The following ABCC3 variants were observed in gnomAD, a reference collection of about 807,000 sequenced individuals.
The protein encoded by ABCC3 is ATP binding cassette subfamily C member 3.
A neutral mutation model predicts 165.3 loss-of-function variants in ABCC3; 121 were observed. The ratio of observed to expected loss-of-function variants is 0.73; its 90% CI spans 0.63 to 0.85. The LOEUF is 0.85. Ranked by LOEUF, ABCC3 falls within the 40% of genes least tolerant of loss-of-function variation. The probability of loss-of-function intolerance (pLI) is 0.00; values close to 1 mark genes in which losing one functional copy is unlikely to be tolerated. For missense variants in ABCC3, 1,869 were observed against 1,964.1 expected (o/e 0.95, Z 0.92); for synonymous variants, 733 against 810.1 (o/e 0.90, Z 1.62).
Position 50,679,913 on chromosome 17 carries a change from T to C in ABCC3, c.3807+14T>C. The C allele has an allele frequency of 1.2e-6, 2 of 1,605,402 alleles. No individual in the cohort carries two copies. Among genetic ancestry groups the C allele is most frequent in the Non-Finnish European group, 1.7e-6 (2 of 1,172,224 alleles). ...ACAGAGACAGAGGTGGGTACTGGCA[T>C]GAGCCCGGGACAGGGGGAATCTGAA... On this transcript the variant is annotated intron_variant, in intron 26 of 30. Coordinates refer to ENST00000285238, the MANE Select transcript of ABCC3 (RefSeq NM_003786.4).
chr17:50,667,516 G>A, intron 11 of ABCC3, 38 bp from the exon 12 acceptor site: 1 of 1,566,962 alleles, frequency 6.4e-7, no homozygotes, highest in Non-Finnish European at 8.7e-7. Flanking sequence ...TCAGGGGAGG[G>A]AGCAGGTGTG....
intron 1 of ABCC3, among the ~76,000 whole-genome samples, chr17:50,648,877 G>A (rs1308980033): frequency 6.6e-6 from 1 of 152,206 alleles, no homozygotes; most frequent in Non-Finnish European, 1.5e-5. Flanking sequence ...CACTTTGGGA[G>A]GCCGAGGCAG....
At chr17:50,665,320 T>C (rs1967499598) in intron 11 of ABCC3, 75 bp downstream of exon 11, 3 of 1,382,290 alleles carry the variant, frequency 2.2e-6, no homozygotes, top group South Asian at 1.2e-5. Context: ...TCCACTAACC[T>C]TGGGGCCTCC....
At position 50,673,983 on chromosome 17, in the gene ABCC3, TCTCTCTCTCTC is replaced by T. The variant is rs1967728885; in HGVS notation, c.2599+326_2599+336del. 1.0e-3 allele frequency among the ~76,000 whole-genome samples: 5 copies of T among 4,954 alleles called. No individual in the cohort carries two copies. The East Asian group carries it at 0.013, about 13-fold the overall frequency. 3.3% of individuals were successfully genotyped at this position (4,954 alleles called of 152,430 possible). ...TTCTTTCTTTCTTTCTTTCTTTCTC[TCTCTCTCTCTC>T]TCTCTCTCTCTCTCTCTCTCTCTCT... On this transcript the variant is annotated intron_variant, in intron 19 of 30. Coordinates refer to ENST00000285238, the MANE Select transcript of ABCC3 (RefSeq NM_003786.4).
In ABCC3 at chr17:50,675,697, T is replaced by G. The variant is rs1236990106; in HGVS notation, c.2781T>G (p.Gly927=). Residue 927 remains glycine (G), a synonymous_variant, in exon 21 of 31, where the codon GGT becomes GGG. Coordinates refer to ENST00000285238, the MANE Select transcript of ABCC3 (RefSeq NM_003786.4). ...GGCCTGTACCCCGGAGGCACCTGGG[T>G]CCATCAGAGAAGGTGCAGGTGACAG... ...QGRPVPRRHL[G]PSEKVQVTEA... The G allele has an allele frequency of 6.4e-7, 1 of 1,570,736 alleles. No individual in the cohort carries two copies. Among genetic ancestry groups the G allele is most frequent in the Non-Finnish European group, 8.6e-7 (1 of 1,157,822 alleles).
intron 13 of ABCC3, 110 bp from the exon 14 acceptor site, chr17:50,668,320 C>T: frequency 6.7e-6 from 6 of 891,820 alleles, no homozygotes; most frequent in Non-Finnish European, 1.1e-5. Flanking sequence ...GTGCTAGTGT[C>T]TGGGCCCTCA....
chr17:50,672,868 A>G (rs1967677004), intron 17 of ABCC3, 103 bp from the exon 18 acceptor site: 1 of 1,007,416 alleles, frequency 9.9e-7, no homozygotes, highest in East Asian at 2.6e-5. Context: ...ACCCCATCTC[A>G]GGAAAAAAAA....
At chr17:50,671,978 T>TC (rs895072342) in intron 17 of ABCC3, among the ~76,000 whole-genome samples, 37 of 152,086 alleles carry the variant, frequency 2.4e-4, no homozygotes, top group African/African-American at 8.9e-4. Flanking sequence ...CACCTCGACC[T>TC]CCCAAATTGC....
At chr17:50,666,363 C>G (rs1235059166) in intron 11 of ABCC3, among the ~76,000 whole-genome samples, 4 of 152,156 alleles carry the variant, frequency 2.6e-5, no homozygotes, top group South Asian at 2.1e-4. Context: ...CCCAGCTACT[C>G]TGGAGTCTGA....
intron 19 of ABCC3, among the ~76,000 whole-genome samples, chr17:50,673,968 CTTTCTTTCTT>C (rs1967720752): frequency 2.9e-4 from 5 of 17,050 alleles, no homozygotes; most frequent in East Asian, 1.3e-3. Flanking sequence ...TTCTTTCTTT[CTTTCTTTCTT>C]TCTCTCTCTC....
intron 29 of ABCC3, chr17:50,687,291 G>T (rs1037629430): frequency 1.3e-5 from 6 of 473,406 alleles, no homozygotes; most frequent in Non-Finnish European, 2.3e-5. Context: ...GGAGGCCAAG[G>T]GTGCCAAGAG....
chr17:50,665,048 A>G (rs575021935), intron 10 of ABCC3, 105 bp from the exon 11 acceptor site: 4 of 945,994 alleles, frequency 4.2e-6, no homozygotes, highest in Non-Finnish European at 6.8e-6. Context: ...CTTCCTGCCC[A>G]TCTACACATT....
At chr17:50,667,788 C>A in intron 12 of ABCC3, 31 bp downstream of exon 12, 1 of 1,613,964 alleles carries the variant, frequency 6.2e-7, no homozygotes, top group Non-Finnish European at 8.5e-7. Flanking sequence ...GGGTCCCTGC[C>A]TCCAGGGCTC....
chr17:50,675,603 C>T, intron 20 of ABCC3, 28 bp from the exon 21 acceptor site: 1 of 1,561,652 alleles, frequency 6.4e-7, no homozygotes. Flanking sequence ...GAGGCCCCCT[C>T]CCTGGGCCTG....
intron 26 of ABCC3, among the ~76,000 whole-genome samples, chr17:50,682,458 A>C (rs1967945794): frequency 6.6e-6 from 1 of 150,634 alleles, no homozygotes; most frequent in Non-Finnish European, 1.5e-5. Flanking sequence ...ATGGCCTGCA[A>C]GGCCCTACAT....
intron 1 of ABCC3, chr17:50,635,837 C>G (rs2054174521): frequency 3.9e-6 from 2 of 513,624 alleles, no homozygotes; most frequent in Non-Finnish European, 7.0e-6. Flanking sequence ...GAGCTATGAT[C>G]GCACCACTGC....
At position 50,668,548 on chromosome 17, in the gene ABCC3, C is replaced by T. The variant is rs201747263; in HGVS notation, c.1870+31C>T. ...GAGAGCCCCTACCTGGGCTGCCTGC[C>T]CCAGTCCTTGCTCCAGAAAAACCTC... On this transcript the variant is annotated intron_variant, in intron 14 of 30. Coordinates refer to ENST00000285238, the MANE Select transcript of ABCC3 (RefSeq NM_003786.4). 5 of 1,550,014 alleles carry T rather than the reference C, an allele frequency of 3.2e-6. No individual in the cohort carries two copies. In the East Asian group the frequency reaches 1.1e-4, roughly 35 times the overall value.
intron 26 of ABCC3, 25 bp downstream of exon 26, chr17:50,679,924 C>T (rs1479847324): frequency 6.3e-7 from 1 of 1,588,184 alleles, no homozygotes; most frequent in East Asian, 2.2e-5. Flanking sequence ...GAGCCCGGGA[C>T]AGGGGGAATC....
chr17:50,666,174 T>C (rs1474518123), intron 11 of ABCC3, among the ~76,000 whole-genome samples: 1 of 152,154 alleles, frequency 6.6e-6, no homozygotes, highest in Non-Finnish European at 1.5e-5. Context: ...CCTCTCGGCA[T>C]TGAAGTCACT....
Sources: gnomAD v4.1 joint callset for allele counts (sites outside exome capture counted in the v4.1 genomes callset) on GRCh38, gnomAD v4.1.1 for gene constraint, MANE v1.5 for transcripts, NCBI Gene and HGNC (gene_info 2026-07-23, HGNC 2026-07-21) for gene names.